The following ZNF804B variants were observed in gnomAD, a reference collection of about 807,000 sequenced individuals.
The protein encoded by ZNF804B is zinc finger protein 804B.
A neutral mutation model predicts 101.4 loss-of-function variants in ZNF804B; 80 were observed. The ratio of observed to expected loss-of-function variants is 0.79; its 90% CI spans 0.66 to 0.95. ZNF804B has a LOEUF of 0.95. Ranked by LOEUF, ZNF804B falls within the 40% of genes least tolerant of loss-of-function variation. The pLI, the probability that ZNF804B is intolerant of heterozygous loss-of-function variation, is 0.00. For synonymous variants in ZNF804B, 622 were observed against 558.8 expected (o/e 1.11, Z -1.59); for missense variants, 1,673 against 1,561.9 (o/e 1.07, Z -1.20).
chr7:88,937,506 C>A (rs1040044765), intron 1 of ZNF804B, among the ~76,000 whole-genome samples: 3 of 151,804 alleles, frequency 2.0e-5, no homozygotes, highest in Admixed American at 6.6e-5. Flanking sequence ...CCCCAGCTTC[C>A]CTATAAATGA....
At chr7:89,156,039 T>C (rs1584021068) in intron 1 of ZNF804B, among the ~76,000 whole-genome samples, 1 of 66,428 alleles carries the variant, frequency 1.5e-5, no homozygotes, top group Admixed American at 1.4e-4. Flanking sequence ...TTTCTTTCTT[T>C]CTTTCTTTCT....
chr7:89,103,344 CT>C (rs141694315), intron 1 of ZNF804B, among the ~76,000 whole-genome samples: 1,528 of 151,554 alleles, frequency 0.01, 23 homozygotes, highest in African/African-American at 0.035. Flanking sequence ...GATATTGATT[CT>C]TCCAATCAAT....
At chr7:88,786,100 T>C (rs1160307048) in intron 1 of ZNF804B, among the ~76,000 whole-genome samples, 2 of 152,172 alleles carry the variant, frequency 1.3e-5, no homozygotes, top group African/African-American at 4.8e-5. Context: ...GACACTGTTT[T>C]TCAGCTCATC....
At chr7:88,955,146 A>G (rs958336110) in intron 1 of ZNF804B, among the ~76,000 whole-genome samples, 3 of 150,748 alleles carry the variant, frequency 2.0e-5, no homozygotes, top group African/African-American at 4.9e-5. Context: ...TAAAATAACT[A>G]TGTGGTAAAT....
At chr7:89,162,641 T>C (rs1189300636) in intron 1 of ZNF804B, among the ~76,000 whole-genome samples, 2 of 140,538 alleles carry the variant, frequency 1.4e-5, no homozygotes, top group African/African-American at 5.2e-5. Flanking sequence ...TTTATGGGCT[T>C]TAAATATTCT....
At chr7:89,230,216 A>G (rs1789168459) in intron 2 of ZNF804B, among the ~76,000 whole-genome samples, 1 of 152,032 alleles carries the variant, frequency 6.6e-6, no homozygotes, top group Non-Finnish European at 1.5e-5. Flanking sequence ...AATGGTGAAA[A>G]TCAATGAAAC....
chr7:88,862,181 A>T (rs899690794), intron 1 of ZNF804B, among the ~76,000 whole-genome samples: 1 of 152,178 alleles, frequency 6.6e-6, no homozygotes, highest in African/African-American at 2.4e-5. Context: ...TATGCAGCCC[A>T]TATTTTAAAC....
intron 1 of ZNF804B, among the ~76,000 whole-genome samples, chr7:88,918,963 T>C (rs1468170784): frequency 6.6e-6 from 1 of 152,144 alleles, no homozygotes; most frequent in Non-Finnish European, 1.5e-5. Flanking sequence ...AAAAGGATGA[T>C]GGACAATTTT....
rs189247206 is a variant in ZNF804B at position 89,271,684 on chromosome 7, G to A, written c.249+53389G>A. Among the ~76,000 whole-genome samples the A allele has an allele frequency of 3.5e-3, 526 of 152,226 alleles. 1 individual carries two copies. Among genetic ancestry groups the A allele is most frequent in the Middle Eastern group, 6.8e-3 (2 of 294 alleles). On this transcript the variant is annotated intron_variant, in intron 2 of 3. Transcript: ENST00000333190. ...TGTACCTCTGGTAGAATTCGGCTGTGAATCCGTCTGGTCCTGGACTTTTTT... is the reference window on the plus strand; with the variant it reads ...TGTACCTCTGGTAGAATTCGGCTGTAAATCCGTCTGGTCCTGGACTTTTTT...
chr7:89,161,962 ATCT>A (rs1488747980), intron 1 of ZNF804B, among the ~76,000 whole-genome samples: 1 of 152,030 alleles, frequency 6.6e-6, no homozygotes, highest in Non-Finnish European at 1.5e-5. Context: ...GTTGATAATG[ATCT>A]ACACAGATAA....
At chr7:89,080,181 T>A (rs932201867) in intron 1 of ZNF804B, among the ~76,000 whole-genome samples, 5 of 151,784 alleles carry the variant, frequency 3.3e-5, no homozygotes, top group African/African-American at 1.2e-4. Flanking sequence ...AATCAAAGAT[T>A]GGGTCTAATT....
At chr7:88,990,408 T>G (rs1793828877) in intron 1 of ZNF804B, among the ~76,000 whole-genome samples, 1 of 152,114 alleles carries the variant, frequency 6.6e-6, no homozygotes, top group African/African-American at 2.4e-5. Flanking sequence ...GATATACAGA[T>G]AAATAGATAT....
intron 2 of ZNF804B, among the ~76,000 whole-genome samples, chr7:89,288,029 T>C (rs2115889313): frequency 6.6e-6 from 1 of 151,714 alleles, no homozygotes; most frequent in Middle Eastern, 3.4e-3. Flanking sequence ...TCAAAATTAC[T>C]AGATATGCAA....
At chr7:89,278,656 G>T (rs1790028870) in intron 2 of ZNF804B, among the ~76,000 whole-genome samples, 1 of 151,194 alleles carries the variant, frequency 6.6e-6, no homozygotes, top group African/African-American at 2.4e-5. Flanking sequence ...AGATCAGATA[G>T]TTGTAGATAT....
At chr7:89,103,643 G>C (rs575400801) in intron 1 of ZNF804B, among the ~76,000 whole-genome samples, 30 of 151,888 alleles carry the variant, frequency 2.0e-4, no homozygotes, top group African/African-American at 7.0e-4. Flanking sequence ...GAGGTCTTTA[G>C]GGTTTTCTAG....
At chr7:89,117,570 T>A (rs929846221) in intron 1 of ZNF804B, among the ~76,000 whole-genome samples, 2 of 152,178 alleles carry the variant, frequency 1.3e-5, no homozygotes, top group Non-Finnish European at 1.5e-5. Context: ...TGATACCCAG[T>A]TGGATGAGTT....
chr7:88,811,977 A>T (rs1048599650), intron 1 of ZNF804B, among the ~76,000 whole-genome samples: 2 of 152,170 alleles, frequency 1.3e-5, no homozygotes, highest in Non-Finnish European at 2.9e-5. Flanking sequence ...CTTTAAAAAA[A>T]ATTGAGAACT....
At chr7:89,131,047 AG>A (rs2116379533) in intron 1 of ZNF804B, among the ~76,000 whole-genome samples, 1 of 152,134 alleles carries the variant, frequency 6.6e-6, no homozygotes, top group East Asian at 1.9e-4. Context: ...GTATAGAAGC[AG>A]GGGAGCACAT....
intron 1 of ZNF804B, among the ~76,000 whole-genome samples, chr7:89,144,202 C>A (rs927538569): frequency 6.6e-6 from 1 of 151,986 alleles, no homozygotes; most frequent in African/African-American, 2.4e-5. Flanking sequence ...ACTTAATCCC[C>A]TCTTTATATT....
Sources: allele counts gnomAD v4.1 joint callset (sites outside exome capture counted in the v4.1 genomes callset), GRCh38; gene constraint gnomAD v4.1.1; transcripts MANE v1.5; gene names NCBI Gene and HGNC (gene_info 2026-07-23, HGNC 2026-07-21).